Variants in COL11A1 observed in about 807,000 individuals in gnomAD.
COL11A1 encodes collagen type XI alpha 1 chain, also known as collagen alpha-1(XI) chain.
A neutral mutation model predicts 265.2 loss-of-function variants in COL11A1; 74 were observed. The ratio of observed to expected loss-of-function variants is 0.28; its 90% CI spans 0.23 to 0.34. The LOEUF is 0.34. COL11A1 is among the 10% of genes least tolerant of loss of function. The pLI, the probability that COL11A1 is intolerant of heterozygous loss-of-function variation, is 1.00. For missense variants in COL11A1, 2,165 were observed against 2,263.6 expected (o/e 0.96, Z 0.88); for synonymous variants, 816 against 727.6 (o/e 1.12, Z -1.96).
intron 46 of COL11A1, among the ~76,000 whole-genome samples, chr1:102,926,818 T>C (rs1656649357): frequency 6.6e-6 from 1 of 152,150 alleles, no homozygotes; most frequent in Non-Finnish European, 1.5e-5. Context: ...CCATTGACAA[T>C]CTAATTTTAA....
At chr1:102,885,479 C>T (rs1452061511) in intron 63 of COL11A1, among the ~76,000 whole-genome samples, 1 of 152,032 alleles carries the variant, frequency 6.6e-6, no homozygotes, top group Non-Finnish European at 1.5e-5. Flanking sequence ...TATCAACCTG[C>T]TTTATCTTCT....
At chr1:103,102,068 T>G (rs1383531770) in intron 1 of COL11A1, among the ~76,000 whole-genome samples, 10 of 152,092 alleles carry the variant, frequency 6.6e-5, no homozygotes, top group African/African-American at 2.4e-4. Flanking sequence ...ACTTTAAAAT[T>G]GTCTTTCATC....
intron 13 of COL11A1, among the ~76,000 whole-genome samples, chr1:103,014,152 C>A (rs942150959): frequency 1.3e-5 from 2 of 151,714 alleles, no homozygotes; most frequent in South Asian, 2.1e-4. Flanking sequence ...TTAATTATAA[C>A]CAATCATTGA....
At chr1:102,983,705 G>T (rs1428688077) in intron 31 of COL11A1, among the ~76,000 whole-genome samples, 2 of 151,896 alleles carry the variant, frequency 1.3e-5, no homozygotes, top group African/African-American at 4.8e-5. Context: ...GTGGAGATTT[G>T]TCATAGCAAC....
chr1:102,879,989 C>T (rs545569752), intron 65 of COL11A1, 73 bp from the exon 66 acceptor site: 98 of 989,074 alleles, frequency 9.9e-5, no homozygotes, highest in Non-Finnish European at 1.4e-4. Context: ...TAAATCACTG[C>T]AGACAGTGAA....
intron 54 of COL11A1, among the ~76,000 whole-genome samples, chr1:102,903,535 T>C (rs931086082): frequency 1.3e-5 from 2 of 152,170 alleles, no homozygotes; most frequent in African/African-American, 2.4e-5. Flanking sequence ...ACAAACCTAA[T>C]TTAAGATTAA....
chr1:102,962,702 G>A lies in COL11A1; in HGVS notation c.2975C>T (p.Pro992Leu). 6.2e-7 allele frequency: 1 copy of A among 1,614,088 alleles called. No individual in the cohort carries two copies. Among genetic ancestry groups the A allele is most frequent in the South Asian group, 1.1e-5 (1 of 91,072 alleles). Residue 992 changes from proline (P) to leucine (L), a missense_variant, in exon 39 of 67, where the codon CCT (proline) becomes CTT (leucine). By Grantham distance (98) the Pro-to-Leu change is moderately conservative. Transcript: ENST00000370096. Reference sequence around the variant, plus strand: ...ACCAGGAAGACCTTGCTCACCAGGAGGGCCAGGAGGGCCAGGATGCCCACG... The same window carrying A: ...ACCAGGAAGACCTTGCTCACCAGGAAGGCCAGGAGGGCCAGGATGCCCACG... Reference protein sequence around the residue: ...GERGHPGPPGPPGEQGLPGAA... With the variant: ...GERGHPGPPGLPGEQGLPGAA...
intron 4 of COL11A1, among the ~76,000 whole-genome samples, chr1:103,049,705 T>C (rs1445429649): frequency 6.6e-6 from 1 of 152,234 alleles, no homozygotes; most frequent in Non-Finnish European, 1.5e-5. Flanking sequence ...TGATGGTCTT[T>C]ACAATTTGGC....
chr1:103,060,932 T>C (rs1376100663), intron 4 of COL11A1, among the ~76,000 whole-genome samples: 2 of 151,862 alleles, frequency 1.3e-5, no homozygotes, highest in Admixed American at 6.6e-5. Flanking sequence ...TAAATATGAA[T>C]GATTTAAATA....
chr1:102,960,259 CTTG>C (rs138464966), intron 41 of COL11A1, among the ~76,000 whole-genome samples: 2,120 of 152,048 alleles, frequency 0.014, 58 homozygotes, highest in African/African-American at 0.049. Context: ...AAATGATACA[CTTG>C]TTGTATTCCC....
intron 2 of COL11A1, among the ~76,000 whole-genome samples, chr1:103,080,927 A>T (rs1006433615): frequency 4.0e-5 from 6 of 151,860 alleles, no homozygotes; most frequent in Admixed American, 2.6e-4. Flanking sequence ...TGTTGAAGGG[A>T]TATCTGCAGT....
At chr1:103,050,417 T>A (rs1669712626) in intron 4 of COL11A1, among the ~76,000 whole-genome samples, 1 of 152,250 alleles carries the variant, frequency 6.6e-6, no homozygotes, top group African/African-American at 2.4e-5. Context: ...TCTGCATTCA[T>A]CACGTAGTTC....
chr1:103,072,232 TAA>T (rs1158638421), intron 4 of COL11A1, among the ~76,000 whole-genome samples: 1 of 151,942 alleles, frequency 6.6e-6, no homozygotes, highest in Non-Finnish European at 1.5e-5. Flanking sequence ...AGTTGAATTC[TAA>T]AAAGTCATTA....
At chr1:102,902,907 G>T (rs913426170) in intron 54 of COL11A1, among the ~76,000 whole-genome samples, 8 of 151,490 alleles carry the variant, frequency 5.3e-5, no homozygotes, top group Non-Finnish European at 1.0e-4. Flanking sequence ...TATATATGAT[G>T]TGTGTGTGCA....
In COL11A1 at chr1:103,006,402, A is replaced by T. The variant is rs1387968498; in HGVS notation, c.1684-87T>A. ...ATCAAGAGAGATGGTTTCAGAAACT[A>T]ATATCCTCTTAGCGTTACCTTAATC... On this transcript the variant is annotated intron_variant, in intron 15 of 66. Coordinates refer to ENST00000370096, the MANE Select transcript of COL11A1 (RefSeq NM_001854.4). 1.0e-5 allele frequency: 10 copies of T among 955,934 alleles called. No individual in the cohort carries two copies. In the African/African-American group the frequency reaches 1.2e-4, roughly 11 times the overall value. The allele number at this position is 955,934 out of a possible 1,614,324, so 59.2% of individuals were successfully genotyped here.
At chr1:103,071,022 T>C (rs1335954293) in intron 4 of COL11A1, among the ~76,000 whole-genome samples, 1 of 151,986 alleles carries the variant, frequency 6.6e-6, no homozygotes, top group East Asian at 1.9e-4. Flanking sequence ...TCAAATAGCA[T>C]AGTTGTTATA....
At chr1:103,104,016 A>T (rs1225239769) in intron 1 of COL11A1, among the ~76,000 whole-genome samples, 1 of 152,104 alleles carries the variant, frequency 6.6e-6, no homozygotes, top group Admixed American at 6.6e-5. Flanking sequence ...TTTTATGAGG[A>T]AGAGTATTCA....
chr1:103,002,651 TGTAATAA>T, intron 22 of COL11A1, 89 bp downstream of exon 22: 1 of 1,224,222 alleles, frequency 8.2e-7, no homozygotes, highest in Non-Finnish European at 1.2e-6. Flanking sequence ...CTTAGCAAAA[TGTAATAA>T]ATCATTATAT....
intron 1 of COL11A1, among the ~76,000 whole-genome samples, chr1:103,094,307 C>A (rs1167972972): frequency 1.3e-5 from 2 of 152,096 alleles, no homozygotes; most frequent in African/African-American, 2.4e-5. Context: ...TGTCAGAAAA[C>A]AAATTGACAT....
Sources: gnomAD v4.1 joint callset for allele counts (sites outside exome capture counted in the v4.1 genomes callset) on GRCh38, gnomAD v4.1.1 for gene constraint, MANE v1.5 for transcripts, NCBI Gene and HGNC (gene_info 2026-07-23, HGNC 2026-07-21) for gene names.